SLC7A14: variants seen among roughly 807,000 people sequenced by gnomAD.
SLC7A14 encodes the protein solute carrier family 7 member 14, also known as gamma-aminobutyric acid transporter SLC7A14.
In SLC7A14, 37 loss-of-function variants were observed where a neutral mutation model predicts 60.2. The observed-to-expected ratio is 0.61, with a 90% CI of 0.47 to 0.81. SLC7A14 has a LOEUF of 0.81. Ranked by LOEUF, SLC7A14 falls within the 30% of genes least tolerant of loss-of-function variation. The pLI is 0.00. For missense variants in SLC7A14, 886 were observed against 982.7 expected (o/e 0.90, Z 1.32); for synonymous variants, 399 against 395.8 (o/e 1.01, Z -0.10).
At chr3:170,564,296 T>A (rs534178646) in intron 1 of SLC7A14, among the ~76,000 whole-genome samples, 7 of 152,168 alleles carry the variant, frequency 4.6e-5, no homozygotes, top group Admixed American at 6.5e-5. Flanking sequence ...TTGTTAGAGA[T>A]CTGTTGTGCT....
chr3:170,561,092 T>C (rs1714635890), intron 1 of SLC7A14, among the ~76,000 whole-genome samples: 1 of 152,160 alleles, frequency 6.6e-6, no homozygotes. Context: ...ACTTCTTCCT[T>C]CTGACTCTTT....
At chr3:170,558,536 A>G (rs944104115) in intron 1 of SLC7A14, among the ~76,000 whole-genome samples, 13 of 152,234 alleles carry the variant, frequency 8.5e-5, no homozygotes, top group African/African-American at 1.2e-4. Context: ...TTTCAGGAGT[A>G]CAATTCTCAA....
intron 1 of SLC7A14, among the ~76,000 whole-genome samples, chr3:170,577,411 G>A (rs963632763): frequency 8.6e-5 from 13 of 151,824 alleles, no homozygotes; most frequent in African/African-American, 2.4e-4. Flanking sequence ...GAGGTCAGGA[G>A]ATCGAGACCA....
chr3:170,481,305 A>C (rs569158708), intron 6 of SLC7A14, 139 bp from the exon 7 acceptor site: 17 of 837,526 alleles, frequency 2.0e-5, no homozygotes, highest in Non-Finnish European at 2.9e-5. Flanking sequence ...TTACTTCTGC[A>C]TTCACTACTT....
chr3:170,554,082 T>C (rs1714423819), intron 1 of SLC7A14, among the ~76,000 whole-genome samples: 1 of 152,054 alleles, frequency 6.6e-6, no homozygotes, highest in Non-Finnish European at 1.5e-5. Flanking sequence ...GTGACTCTGA[T>C]AGTCAGTTGT....
At chr3:170,550,711 G>A (rs1012136738) in intron 1 of SLC7A14, among the ~76,000 whole-genome samples, 1 of 151,148 alleles carries the variant, frequency 6.6e-6, no homozygotes, top group African/African-American at 2.4e-5. Flanking sequence ...TAGTAGAGAC[G>A]GGGTTTCACC....
At chr3:170,567,033 G>A (rs1220235140) in intron 1 of SLC7A14, among the ~76,000 whole-genome samples, 1 of 150,646 alleles carries the variant, frequency 6.6e-6, no homozygotes, top group African/African-American at 2.4e-5. Flanking sequence ...TATACTTTAA[G>A]TTTTAGGGTA....
At chr3:170,516,501 T>C (rs1195249746) in intron 2 of SLC7A14, among the ~76,000 whole-genome samples, 2 of 150,856 alleles carry the variant, frequency 1.3e-5, no homozygotes, top group African/African-American at 4.9e-5. Context: ...GGCAGGAGGA[T>C]AGCTCGAGGT....
chr3:170,556,295 A>G (rs1714484791), intron 1 of SLC7A14, among the ~76,000 whole-genome samples: 1 of 152,170 alleles, frequency 6.6e-6, no homozygotes, highest in Non-Finnish European at 1.5e-5. Flanking sequence ...TGGGGCTTAT[A>G]ATGGCCTGTA....
chr3:170,472,929 C>T (rs1739961121), intron 7 of SLC7A14, among the ~76,000 whole-genome samples: 1 of 152,118 alleles, frequency 6.6e-6, no homozygotes, highest in Admixed American at 6.5e-5. Context: ...AATGGGCTTT[C>T]TTTATGATAT....
intron 2 of SLC7A14, among the ~76,000 whole-genome samples, chr3:170,502,095 A>G (rs1373936788): frequency 1.3e-5 from 2 of 152,216 alleles, no homozygotes; most frequent in Non-Finnish European, 1.5e-5. Context: ...TTTGAGGCAT[A>G]TGTAGGGATT....
chr3:170,485,738 C>T (rs540706676), intron 5 of SLC7A14, among the ~76,000 whole-genome samples: 31 of 152,126 alleles, frequency 2.0e-4, no homozygotes, highest in Non-Finnish European at 4.0e-4. Flanking sequence ...CACTTTCCTC[C>T]CCAGATTTAA....
chr3:170,496,658 C>T (rs1712406799), intron 4 of SLC7A14: 15 of 1,290,324 alleles, frequency 1.2e-5, no homozygotes, highest in South Asian at 9.4e-5. Context: ...ATGCAGAACA[C>T]GAGTATCCAT....
chr3:170,499,015 T>A lies in SLC7A14; in HGVS notation c.542-131A>T, dbSNP rs1033557806. 1.6e-5 allele frequency: 12 copies of A among 748,222 alleles called. No homozygotes were observed. The African/African-American group carries it at 2.1e-4, about 13-fold the overall frequency. 46.3% of individuals were successfully genotyped at this position (748,222 alleles called of 1,614,324 possible). ...AAACTGGGAGGCCGAGGCAGGCAGATCACGAGGTCAGGAGATTGAGACCAT... is the reference window on the plus strand; with the variant it reads ...AAACTGGGAGGCCGAGGCAGGCAGAACACGAGGTCAGGAGATTGAGACCAT... On this transcript the variant is annotated intron_variant, in intron 3 of 7. Coordinates refer to ENST00000231706, the MANE Select transcript of SLC7A14 (RefSeq NM_020949.3).
chr3:170,566,873 G>A (rs1474602770), intron 1 of SLC7A14, among the ~76,000 whole-genome samples: 1 of 151,676 alleles, frequency 6.6e-6, no homozygotes, highest in Non-Finnish European at 1.5e-5. Context: ...CCCAAAGCAA[G>A]ACTTTTGCTT....
chr3:170,474,604 G>C (rs1018180275), intron 7 of SLC7A14, among the ~76,000 whole-genome samples: 4 of 152,128 alleles, frequency 2.6e-5, no homozygotes, highest in African/African-American at 9.7e-5. Flanking sequence ...TATGGGACAT[G>C]TCATCAAGAA....
chr3:170,541,704 T>C (rs138012918), intron 1 of SLC7A14, among the ~76,000 whole-genome samples: 1 of 152,286 alleles, frequency 6.6e-6, no homozygotes, highest in African/African-American at 2.4e-5. Context: ...GGCAGTATGG[T>C]AAAATGTTAA....
At chr3:170,552,537 T>G (rs1339224296) in intron 1 of SLC7A14, among the ~76,000 whole-genome samples, 1 of 152,210 alleles carries the variant, frequency 6.6e-6, no homozygotes, top group Admixed American at 6.5e-5. Context: ...GTTGTATATT[T>G]GAAAGCGAAT....
chr3:170,540,205 T>C (rs1560274398), intron 1 of SLC7A14, among the ~76,000 whole-genome samples: 3 of 152,204 alleles, frequency 2.0e-5, no homozygotes, highest in African/African-American at 4.8e-5. Flanking sequence ...TCTGGAATTT[T>C]CCATTTCATA....
Sources: allele counts gnomAD v4.1 joint callset (sites outside exome capture counted in the v4.1 genomes callset), GRCh38; gene constraint gnomAD v4.1.1; transcripts MANE v1.5; gene names NCBI Gene and HGNC (gene_info 2026-07-23, HGNC 2026-07-21).